GTF3C1: variants seen among roughly 807,000 people sequenced by gnomAD.
GTF3C1 encodes the protein general transcription factor IIIC subunit 1, also known as general transcription factor 3C polypeptide 1.
A neutral mutation model predicts 226.7 loss-of-function variants in GTF3C1; 57 were observed. That is an observed-to-expected ratio of 0.25 (90% confidence interval 0.20 to 0.31). GTF3C1 has a LOEUF of 0.31. Among genes scored for constraint, GTF3C1 ranks in the 10% least tolerant of loss-of-function variants. GTF3C1 has a pLI of 1.00. For synonymous variants in GTF3C1, 1,090 were observed against 1,084.8 expected, an observed-to-expected ratio of 1.00 and a Z score of -0.09; for missense variants, 2,217 against 2,776.1, an observed-to-expected ratio of 0.80 and a Z score of 4.53.
intron 5 of GTF3C1, among the ~76,000 whole-genome samples, chr16:27,530,343 A>G (rs954278556): frequency 3.9e-5 from 6 of 152,060 alleles, no homozygotes; most frequent in African/African-American, 1.2e-4. Flanking sequence ...CCCCATGGAA[A>G]CTCATCCATC....
chr16:27,507,036 T>C lies in GTF3C1; in HGVS notation c.1363A>G (p.Thr455Ala). 6.2e-7 allele frequency: 1 copy of C among 1,613,842 alleles called. No individual in the cohort carries two copies. Among genetic ancestry groups the C allele is most frequent in the Non-Finnish European group, 8.5e-7 (1 of 1,179,978 alleles). The change falls in exon 9 of 37, where the codon ACC (threonine) becomes GCC (alanine). Residue 455 changes from threonine to alanine, a missense_variant. Physicochemically the swap from Thr to Ala is moderately conservative, Grantham distance 58. Transcript: ENST00000356183. The surrounding 1 kb of genome is among the most constrained non-coding windows in gnomAD (Gnocchi z 4.9). ...TCCTGCATAGACGCCAGGCTCACGGTGGTCAAGAGCTCGCTGCGGGCCTTC... is the reference window on the plus strand; with the variant it reads ...TCCTGCATAGACGCCAGGCTCACGGCGGTCAAGAGCTCGCTGCGGGCCTTC... ...REKARSELLT[T>A]VSLASMQEES...
At chr16:27,542,186 ATC>A (rs2089095059) in intron 2 of GTF3C1, among the ~76,000 whole-genome samples, 1 of 152,182 alleles carries the variant, frequency 6.6e-6, no homozygotes, top group Non-Finnish European at 1.5e-5. Context: ...ATGAGAGTAC[ATC>A]TGACCAGAAT....
chr16:27,529,797 GT>G (rs993558777), intron 5 of GTF3C1, among the ~76,000 whole-genome samples: 1 of 152,224 alleles, frequency 6.6e-6, no homozygotes, highest in Non-Finnish European at 1.5e-5. Flanking sequence ...GGCCCACCCG[GT>G]TCCAGGGGGC....
rs1269509859 is a variant in GTF3C1 at position 27,518,675 on chromosome 16, GAA to G, written c.974-6776_974-6775del. Among the ~76,000 whole-genome samples the G allele has an allele frequency of 2.0e-5, 3 of 152,300 alleles. No homozygotes were observed. The East Asian group carries it at 5.8e-4, about 29-fold the overall frequency. ...TGCTGGGCCCAGAACATGTACAGAT[GAA>G]AGAGACAGGCTTCCTGCCCCTACAA... is the stretch of plus-strand genomic sequence containing the variant. On this transcript the variant is annotated intron_variant, in intron 6 of 36. Coordinates refer to ENST00000356183, the MANE Select transcript of GTF3C1 (RefSeq NM_001520.4).
At chr16:27,542,654 C>A (rs1596665098) in intron 2 of GTF3C1, among the ~76,000 whole-genome samples, 1 of 151,994 alleles carries the variant, frequency 6.6e-6, no homozygotes. Context: ...GGGATGGATC[C>A]CTCATAAATA....
intron 4 of GTF3C1, among the ~76,000 whole-genome samples, chr16:27,535,984 G>C (rs1043676496): frequency 6.6e-6 from 1 of 152,200 alleles, no homozygotes; most frequent in African/African-American, 2.4e-5. Context: ...CCAAGAAGCA[G>C]AGAAAAGTCA....
chr16:27,541,393 A>C (rs2089079736), intron 2 of GTF3C1, among the ~76,000 whole-genome samples: 1 of 152,162 alleles, frequency 6.6e-6, no homozygotes. Context: ...AGATTCTATA[A>C]CATGGGTCAG....
chr16:27,461,170 T>C lies in GTF3C1; in HGVS notation c.*180A>G. The C allele has an allele frequency of 7.2e-6, 4 of 554,802 alleles. No individual in the cohort carries two copies. The South Asian group carries it at 1.0e-4, about 14-fold the overall frequency. The allele number at this position is 554,802 out of a possible 1,614,324, so 34.4% of individuals were successfully genotyped here. On this transcript the variant is annotated 3_prime_UTR_variant, in exon 37 of 37. Coordinates refer to ENST00000356183, the MANE Select transcript of GTF3C1 (RefSeq NM_001520.4). The surrounding 1 kb of genome is among the most constrained non-coding windows in gnomAD (Gnocchi z 5.3). ...GGGGATGGGCAGGTCGGGGAGCCCC[T>C]CTTTCCAGAGTTCCAGTACAGTGGG...
intron 7 of GTF3C1, among the ~76,000 whole-genome samples, chr16:27,511,254 TCTCTTCTGGAGCTGCAGCCCC>T (rs922653151): frequency 9.2e-5 from 14 of 152,160 alleles, no homozygotes; most frequent in Non-Finnish European, 1.5e-5. Context: ...TTGCCCTCTC[TCTCTTCTGGAGCTGCAGCCCC>T]CTCTTCTGCT....
chr16:27,546,201 T>A (rs1397750999), intron 1 of GTF3C1, among the ~76,000 whole-genome samples: 1 of 152,148 alleles, frequency 6.6e-6, no homozygotes, highest in Non-Finnish European at 1.5e-5. Context: ...GTTATCTCTC[T>A]AATATCCTAA....
chr16:27,496,120 C>T (rs1052449206), intron 14 of GTF3C1, among the ~76,000 whole-genome samples: 3 of 152,152 alleles, frequency 2.0e-5, no homozygotes, highest in Non-Finnish European at 4.4e-5. Context: ...TCCCCCAACT[C>T]TCTCTCTTGC....
intron 12 of GTF3C1, among the ~76,000 whole-genome samples, chr16:27,500,303 G>A (rs1272759534): frequency 6.6e-6 from 1 of 152,128 alleles, no homozygotes; most frequent in East Asian, 1.9e-4. Context: ...GGGGAGCAGG[G>A]GGCCAGGGGA....
At position 27,478,509 on chromosome 16, in the gene GTF3C1, C is replaced by T. The variant is rs768873993; in HGVS notation, c.4219G>A (p.Asp1407Asn). Reference protein sequence around the residue: ...FARYRVLAIGDEKDQTRKEDE... With the variant: ...FARYRVLAIGNEKDQTRKEDE... ...TCTTTCCTGGTTTGATCTTTTTCATCCCCAATTGCCAAAACTCGGTACCTG... is the reference window on the plus strand; with the variant it reads ...TCTTTCCTGGTTTGATCTTTTTCATTCCCAATTGCCAAAACTCGGTACCTG... Residue 1407 changes from aspartate (D) to asparagine (N), a missense_variant, in exon 28 of 37, where the codon GAT (aspartate) becomes AAT (asparagine). By Grantham distance (23) the Asp-to-Asn change is conservative. This residue lies in a region of GTF3C1 where 546 missense variants were observed against 663.0 expected (regional missense o/e 0.82). Coordinates refer to ENST00000356183, the MANE Select transcript of GTF3C1 (RefSeq NM_001520.4). 31 of 1,612,248 alleles carry T rather than the reference C, an allele frequency of 1.9e-5. No homozygotes were observed. Among genetic ancestry groups the T allele is most frequent in the Non-Finnish European group, 2.5e-5 (30 of 1,178,312 alleles).
At chr16:27,508,753 GTGAAAT>G (rs1331216193) in intron 7 of GTF3C1, 98 bp from the exon 8 acceptor site, 2 of 821,358 alleles carry the variant, frequency 2.4e-6, no homozygotes. Context: ...TTTTGATGCT[GTGAAAT>G]TAACAGACAG....
chr16:27,468,016 G>C (rs2087810135), intron 32 of GTF3C1, among the ~76,000 whole-genome samples: 1 of 152,004 alleles, frequency 6.6e-6, no homozygotes, highest in African/African-American at 2.4e-5. Flanking sequence ...ATTCATGGGA[G>C]GTGGTCAAAA....
rs761873034 is a variant in GTF3C1, at chr16:27,488,372, G to A, written c.3555C>T (p.Ser1185=). The stretch of plus-strand genomic sequence containing the variant: ...GCTCTTCCCAGCCAGCACAGAGCTC[G>A]GAGCCTACTCTTGCTTCCCCCCAAA... The part of the protein sequence containing the change: ...LNIWGEARVG[S]ELCAGWEEQF... Residue 1185 remains serine, a synonymous_variant, in exon 23 of 37, where the codon TCC becomes TCT. Coordinates refer to ENST00000356183, the MANE Select transcript of GTF3C1 (RefSeq NM_001520.4). The A allele has an allele frequency of 5.0e-6, 8 of 1,613,518 alleles. No homozygotes were observed. The highest frequency in any genetic ancestry group is 4.5e-5 in the East Asian group (2 of 44,898).
chr16:27,476,531 G>A lies in GTF3C1; in HGVS notation c.4273C>T (p.His1425Tyr), dbSNP rs1314785769. The change falls in exon 29 of 37, where the codon CAC becomes TAC. Residue 1425 changes from histidine to tyrosine, a missense_variant. Physicochemically the swap from His to Tyr is moderately conservative, Grantham distance 83 (BLOSUM62 2). Transcript: ENST00000356183. The stretch of plus-strand genomic sequence containing the variant: ...ATCAGGTTCTGAAGCACCAGAAAGT[G>A]GATGTCATCCACGCTGAAAGAGAGG... ...EDELNSVDDI[H>Y]FLVLQNLIQS... 1.2e-6 allele frequency: 2 copies of A among 1,608,124 alleles called. No homozygotes were observed. Among genetic ancestry groups the A allele is most frequent in the Non-Finnish European group, 8.5e-7 (1 of 1,174,896 alleles).
intron 4 of GTF3C1, among the ~76,000 whole-genome samples, chr16:27,536,627 A>G (rs938959379): frequency 7.2e-5 from 11 of 152,204 alleles, no homozygotes; most frequent in Non-Finnish European, 1.5e-5. Flanking sequence ...TCTTTGGCCC[A>G]ACCCATGTGC....
chr16:27,463,110 C>T lies in GTF3C1; in HGVS notation c.5924+431G>A. ...CACACACTCATGGGAGGCGCCCCCA[C>T]CAGAGGGGCTTCTGCGGCCCCCTTG... On this transcript the variant is annotated intron_variant, in intron 35 of 36. Coordinates refer to ENST00000356183, the MANE Select transcript of GTF3C1 (RefSeq NM_001520.4). The surrounding 1 kb of genome is among the most constrained non-coding windows in gnomAD (Gnocchi z 4.9). The T allele has an allele frequency of 5.0e-6, 1 of 199,712 alleles. No individual in the cohort carries two copies. The highest frequency in any genetic ancestry group is 1.0e-5 in the Non-Finnish European group (1 of 99,792). 12.4% of individuals were successfully genotyped at this position (199,712 alleles called of 1,614,324 possible).
Sources: gnomAD v4.1 joint callset for allele counts (sites outside exome capture counted in the v4.1 genomes callset) on GRCh38, gnomAD v4.1.1 for gene constraint, gnomAD v4.1.1 regional missense constraint, Gnocchi (gnomAD v3.1) non-coding constraint, MANE v1.5 for transcripts, NCBI Gene and HGNC (gene_info 2026-07-23, HGNC 2026-07-21) for gene names.